HNMT: variants seen among roughly 807,000 people sequenced by gnomAD.
HNMT encodes histamine N-methyltransferase.
HNMT carries 30 observed loss-of-function variants against 32.1 expected under a neutral mutation model. That is an observed-to-expected ratio of 0.93 (90% CI 0.70 to 1.27). The LOEUF (loss-of-function observed/expected upper bound fraction) is 1.27, where lower values mean the gene tolerates loss of function less well. Ranked by LOEUF, HNMT falls within the 50% of genes most tolerant of loss-of-function variation. The pLI, the probability that HNMT is intolerant of heterozygous loss-of-function variation, is 0.00. For synonymous variants in HNMT, 125 were observed against 119.0 expected (o/e 1.05, Z -0.33); for missense variants, 327 against 346.0 (o/e 0.95, Z 0.43).
chr2:137,972,806 A>G (rs1002881272), intron 2 of HNMT, among the ~76,000 whole-genome samples: 6 of 152,204 alleles, frequency 3.9e-5, no homozygotes, highest in African/African-American at 1.2e-4. Flanking sequence ...AAAGTAATTA[A>G]AAACAATCTC....
chr2:138,002,370 C>G, intron 4 of HNMT, 176 bp downstream of exon 4: 2 of 1,031,344 alleles, frequency 1.9e-6, no homozygotes, highest in Non-Finnish European at 2.4e-6. Context: ...TACTAAGATT[C>G]TCTTTAACAT....
intron 2 of HNMT, among the ~76,000 whole-genome samples, chr2:137,999,213 T>C (rs1188224824): frequency 6.6e-6 from 1 of 152,192 alleles, no homozygotes; most frequent in Non-Finnish European, 1.5e-5. Flanking sequence ...TGGAACTTGC[T>C]GTCAGGATTA....
At chr2:137,969,548 T>G (rs1680059367) in intron 1 of HNMT, among the ~76,000 whole-genome samples, 1 of 152,200 alleles carries the variant, frequency 6.6e-6, no homozygotes, top group Non-Finnish European at 1.5e-5. Context: ...TGCATTCATA[T>G]TTTTTTCTGA....
At chr2:138,010,441 G>GCACACGCA (rs1553435897) in intron 5 of HNMT, among the ~76,000 whole-genome samples, 2 of 125,586 alleles carry the variant, frequency 1.6e-5, no homozygotes, top group Non-Finnish European at 3.5e-5. Flanking sequence ...AAAGACACAC[G>GCACACGCA]CACACACACA....
At chr2:138,008,315 G>A (rs570595227) in intron 5 of HNMT, among the ~76,000 whole-genome samples, 3 of 151,990 alleles carry the variant, frequency 2.0e-5, no homozygotes, top group Admixed American at 1.3e-4. Flanking sequence ...GAAAAGACAT[G>A]ATCTCTTTAT....
chr2:137,978,438 CATATGATTAGATAATATAGTATT>C, intron 2 of HNMT, among the ~76,000 whole-genome samples: 1 of 137,136 alleles, frequency 7.3e-6, no homozygotes, highest in South Asian at 2.3e-4. Flanking sequence ...ATATACAATA[CATATGATTAGATAATATAGTATT>C]ATACAATACA....
chr2:137,996,597 C>T (rs1307626612), intron 2 of HNMT, among the ~76,000 whole-genome samples: 4 of 152,126 alleles, frequency 2.6e-5, no homozygotes, highest in Middle Eastern at 3.2e-3. Flanking sequence ...CCATACTGCC[C>T]AAATTGATTT....
chr2:138,002,220 A>G (rs1379836745), intron 4 of HNMT, 26 bp downstream of exon 4: 1 of 1,389,296 alleles, frequency 7.2e-7, no homozygotes, highest in Non-Finnish European at 9.7e-7. Flanking sequence ...TATAATATAT[A>G]CTCAGAAAGA....
At chr2:137,971,439 A>G (rs529908639) in intron 2 of HNMT, among the ~76,000 whole-genome samples, 1 of 152,250 alleles carries the variant, frequency 6.6e-6, no homozygotes, top group East Asian at 1.9e-4. Flanking sequence ...TGGCCTCCCA[A>G]AGTGCTGGGA....
At chr2:138,000,306 T>C (rs183987379) in intron 2 of HNMT, among the ~76,000 whole-genome samples, 43 of 152,224 alleles carry the variant, frequency 2.8e-4, no homozygotes, top group African/African-American at 9.9e-4. Flanking sequence ...TCTCTCGTCC[T>C]CTCCCCATAT....
intron 2 of HNMT, among the ~76,000 whole-genome samples, chr2:137,973,399 C>T (rs960525153): frequency 6.6e-5 from 10 of 152,110 alleles, no homozygotes; most frequent in African/African-American, 2.4e-4. Context: ...AAATGGTCTC[C>T]CCACATATTC....
rs1435090457 is a variant in HNMT, at chr2:137,970,218, G to T, written c.190+1G>T. ...ATTCTAAGCATAGGCGGAGGTGCAG[G>T]TATGAGTAATATATTTTTAAAGTTC... On this transcript the variant is annotated splice_donor_variant, in intron 2 of 5. Transcript: ENST00000280097. LOFTEE classifies it high-confidence loss of function. 1 of 1,514,556 alleles carries T rather than the reference G, an allele frequency of 6.6e-7. No individual in the cohort carries two copies. Among genetic ancestry groups the T allele is most frequent in the Non-Finnish European group, 9.1e-7 (1 of 1,099,884 alleles). 93.8% of individuals were successfully genotyped at this position (1,514,556 alleles called of 1,614,324 possible).
chr2:137,991,394 G>A (rs1253916253), intron 2 of HNMT, among the ~76,000 whole-genome samples: 1 of 152,214 alleles, frequency 6.6e-6, no homozygotes, highest in African/African-American at 2.4e-5. Flanking sequence ...GATTCTTCTT[G>A]ATCTCTCTGT....
intron 2 of HNMT, among the ~76,000 whole-genome samples, chr2:137,983,800 C>T (rs1236031862): frequency 6.6e-6 from 1 of 152,116 alleles, no homozygotes; most frequent in Non-Finnish European, 1.5e-5. Flanking sequence ...GTCTCTGGGA[C>T]GGTAAGAGTT....
intron 2 of HNMT, among the ~76,000 whole-genome samples, chr2:137,997,321 T>A (rs1681027050): frequency 6.6e-6 from 1 of 151,746 alleles, no homozygotes; most frequent in Non-Finnish European, 1.5e-5. Flanking sequence ...TTAAATGAAT[T>A]TATAAGAAAA....
At chr2:137,981,180 C>A in intron 2 of HNMT, 1 of 1,597,176 alleles carries the variant, frequency 6.3e-7, no homozygotes, top group Non-Finnish European at 8.6e-7. Flanking sequence ...GGAGATATGG[C>A]CACAGTCTTT....
intron 2 of HNMT, chr2:137,981,385 A>G: frequency 1.2e-6 from 2 of 1,606,560 alleles, no homozygotes; most frequent in Non-Finnish European, 1.7e-6. Flanking sequence ...CCTCATTCCT[A>G]GTTTCCTTCA....
At position 137,983,606 on chromosome 2, in the gene HNMT, G is replaced by C. The variant is rs116097725; in HGVS notation, c.190+13389G>C. Among the ~76,000 whole-genome samples, 1,284 of 152,246 alleles carry C rather than the reference G, an allele frequency of 8.4e-3. 23 individuals carry two copies. The highest frequency in any genetic ancestry group is 0.029 in the African/African-American group (1,223 of 41,550). ...CATACAGGATACACTCCAAGGAAAA[G>C]TAACTCGAAGTAGTGGTTTGGAACT... On this transcript the variant is annotated intron_variant, in intron 2 of 5. Transcript: ENST00000280097.
At chr2:137,979,729 C>G (rs539842322) in intron 2 of HNMT, among the ~76,000 whole-genome samples, 2 of 151,958 alleles carry the variant, frequency 1.3e-5, no homozygotes, top group Non-Finnish European at 2.9e-5. Flanking sequence ...ATAATAATCT[C>G]ACCTAGATAG....
Sources: gnomAD v4.1 joint callset for allele counts (sites outside exome capture counted in the v4.1 genomes callset) on GRCh38, gnomAD v4.1.1 for gene constraint, MANE v1.5 for transcripts, NCBI Gene and HGNC (gene_info 2026-07-23, HGNC 2026-07-21) for gene names.